RPS6KA2: variants seen among roughly 807,000 people sequenced by gnomAD.
RPS6KA2 encodes the protein ribosomal protein S6 kinase A2.
Under a neutral mutation model 91.8 loss-of-function variants are expected in RPS6KA2, and 42 were observed. That is an observed-to-expected ratio of 0.46 (90% CI 0.36 to 0.59). RPS6KA2 has a LOEUF of 0.59. Among genes scored for constraint, RPS6KA2 ranks in the 20% least tolerant of loss-of-function variants. The pLI is 0.00. For missense variants in RPS6KA2, 798 were observed against 978.5 expected (o/e 0.82, Z 2.46); for synonymous variants, 414 against 393.6 (o/e 1.05, Z -0.61).
intron 2 of RPS6KA2, among the ~76,000 whole-genome samples, chr6:166,779,054 ACT>A (rs762116849): frequency 6.6e-6 from 1 of 152,194 alleles, no homozygotes; most frequent in African/African-American, 2.4e-5. Flanking sequence ...AGGGAGTGTA[ACT>A]CTGGCGCACA....
At position 166,413,865 on chromosome 6, in the gene RPS6KA2, G is replaced by A; in HGVS notation, c.2005C>T (p.His669Tyr). The A allele has an allele frequency of 6.2e-7, 1 of 1,614,182 alleles. No homozygotes were observed. ...QRLTAMQVLK[H>Y]PWVVNREYLS... ...TACTCTCTGTTGACCACCCACGGGT[G>A]TTTGAGCACTTGCATCGCCGTCAGG... The change falls in exon 20 of 21, where the codon CAC (histidine) becomes TAC (tyrosine). Residue 669 changes from histidine to tyrosine, a missense_variant. Transcript: ENST00000265678.
intron 2 of RPS6KA2, among the ~76,000 whole-genome samples, chr6:166,766,376 C>T (rs115312588): frequency 0.02 from 3,092 of 151,816 alleles, 97 homozygotes; most frequent in African/African-American, 0.071. Context: ...ATTATTGTAC[C>T]AGTAATATAG....
At chr6:166,644,931 A>G (rs1787560524) in intron 2 of RPS6KA2, among the ~76,000 whole-genome samples, 1 of 152,228 alleles carries the variant, frequency 6.6e-6, no homozygotes, top group Non-Finnish European at 1.5e-5. Context: ...GGAGCGGGGC[A>G]TCTCCAAACT....
At chr6:166,748,477 C>A (rs1791096082) in intron 2 of RPS6KA2, among the ~76,000 whole-genome samples, 3 of 152,148 alleles carry the variant, frequency 2.0e-5, no homozygotes, top group African/African-American at 7.2e-5. Context: ...CGGTGCGGGG[C>A]TGGAGGATGC....
chr6:166,768,292 AT>A (rs1369867456), intron 2 of RPS6KA2, among the ~76,000 whole-genome samples: 3 of 152,174 alleles, frequency 2.0e-5, no homozygotes, highest in African/African-American at 7.2e-5. Flanking sequence ...TCTAAAAGTG[AT>A]TTTTTTATAA....
chr6:166,430,628 G>A lies in RPS6KA2; in HGVS notation c.1423-17C>T, dbSNP rs367645312. 5.0e-6 allele frequency: 8 copies of A among 1,601,842 alleles called. No individual in the cohort carries two copies. In the Admixed American group the frequency reaches 5.1e-5, roughly 10 times the overall value. On this transcript the variant is annotated splice_polypyrimidine_tract_variant and intron_variant, in intron 15 of 20. Coordinates refer to ENST00000265678, the MANE Select transcript of RPS6KA2 (RefSeq NM_021135.6). ...ATCATAGACCTGCGGAGTGGAGAAG[G>A]GGCGCACACGTCACCACGGCTGGTT...
At chr6:166,742,574 G>A (rs894674918) in intron 2 of RPS6KA2, among the ~76,000 whole-genome samples, 8 of 152,226 alleles carry the variant, frequency 5.3e-5, no homozygotes, top group African/African-American at 1.7e-4. Context: ...CGGTGGCCAC[G>A]GGAGGGGAGG....
intron 2 of RPS6KA2, among the ~76,000 whole-genome samples, chr6:166,676,317 C>CAA (rs34321063): frequency 8.6e-5 from 11 of 127,382 alleles, no homozygotes; most frequent in Non-Finnish European, 1.2e-4. Flanking sequence ...GACTCTGTCT[C>CAA]AAAAAAAAAA....
At chr6:166,848,904 T>A (rs1190282237) in intron 2 of RPS6KA2, among the ~76,000 whole-genome samples, 1 of 151,718 alleles carries the variant, frequency 6.6e-6, no homozygotes, top group African/African-American at 2.4e-5. Context: ...CCTATTGAAA[T>A]AAAAAATTAA....
rs1434462684 is a variant in RPS6KA2, at chr6:166,770,899, T to C, written c.123+87301A>G. On this transcript the variant is annotated intron_variant, in intron 2 of 21. Coordinates refer to the RPS6KA2 transcript ENST00000503859. This position sits in a 1 kb window ranked among gnomAD's most constrained non-coding sequence, Gnocchi z 5.1. ...CAGCTACCTTTGTCTTGCAGGCAGC[T>C]GAGTCACTTTTGCCCTGTGAAAATG... 30 of 1,597,280 alleles carry C rather than the reference T, an allele frequency of 1.9e-5. No individual in the cohort carries two copies. The highest frequency in any genetic ancestry group is 2.5e-5 in the Non-Finnish European group (30 of 1,179,616).
chr6:166,787,553 C>T (rs966840998), intron 2 of RPS6KA2, among the ~76,000 whole-genome samples: 1 of 151,998 alleles, frequency 6.6e-6, no homozygotes, highest in Admixed American at 6.6e-5. Flanking sequence ...AAGTTACTGT[C>T]TCTTCTTTAT....
rs1039227881 is a variant in RPS6KA2, at chr6:166,849,404, G to A, written c.123+8796C>T. Among the ~76,000 whole-genome samples the A allele has an allele frequency of 2.0e-5, 3 of 152,064 alleles. No homozygotes were observed. Among genetic ancestry groups the A allele is most frequent in the Non-Finnish European group, 4.4e-5 (3 of 68,014 alleles). On this transcript the variant is annotated intron_variant, in intron 2 of 21. Coordinates refer to the RPS6KA2 transcript ENST00000503859. This position sits in a 1 kb window ranked among gnomAD's most constrained non-coding sequence, Gnocchi z 4.9. The stretch of plus-strand genomic sequence containing the variant: ...GCGAGGATGCTAAAATATAAGATTC[G>A]TGCTGTCTTCTTTTTCATAGAATCC...
At chr6:166,532,933 C>T (rs1248070942) in intron 2 of RPS6KA2, among the ~76,000 whole-genome samples, 1 of 152,152 alleles carries the variant, frequency 6.6e-6, no homozygotes, top group Non-Finnish European at 1.5e-5. Flanking sequence ...CACCCTTACG[C>T]ACACTGTGGT....
At chr6:166,832,014 A>G (rs1214170617) in intron 2 of RPS6KA2, among the ~76,000 whole-genome samples, 1 of 151,380 alleles carries the variant, frequency 6.6e-6, no homozygotes, top group Non-Finnish European at 1.5e-5. Flanking sequence ...ATACATATAT[A>G]CATACATGTA....
intron 2 of RPS6KA2, among the ~76,000 whole-genome samples, chr6:166,762,886 G>A (rs377461623): frequency 2.6e-5 from 4 of 152,344 alleles, no homozygotes; most frequent in African/African-American, 4.8e-5. Flanking sequence ...GTGACTCTCC[G>A]TAGGTCAAAG....
chr6:166,638,651 C>A (rs1787324248), intron 2 of RPS6KA2, among the ~76,000 whole-genome samples: 1 of 152,178 alleles, frequency 6.6e-6, no homozygotes. Flanking sequence ...ATCCTATGAC[C>A]TGACTTTGGC....
chr6:166,606,177 C>T (rs1250686417), intron 1 of RPS6KA2, among the ~76,000 whole-genome samples: 3 of 152,204 alleles, frequency 2.0e-5, no homozygotes, highest in Non-Finnish European at 4.4e-5. Flanking sequence ...CCATACAAGA[C>T]TATTTAAATA....
At chr6:166,467,439 T>C (rs1227655767) in intron 11 of RPS6KA2, among the ~76,000 whole-genome samples, 1 of 152,000 alleles carries the variant, frequency 6.6e-6, no homozygotes, top group African/African-American at 2.4e-5. Flanking sequence ...TGATAAGGGA[T>C]ATGAAAACAG....
intron 2 of RPS6KA2, among the ~76,000 whole-genome samples, chr6:166,734,815 A>G (rs1043413298): frequency 6.6e-6 from 1 of 152,198 alleles, no homozygotes; most frequent in African/African-American, 2.4e-5. Flanking sequence ...GTACTTAAAT[A>G]TTTTATAAAT....
Sources: gnomAD v4.1 joint callset for allele counts (sites outside exome capture counted in the v4.1 genomes callset) on GRCh38, gnomAD v4.1.1 for gene constraint, Gnocchi (gnomAD v3.1) non-coding constraint, MANE v1.5 for transcripts, NCBI Gene and HGNC (gene_info 2026-07-23, HGNC 2026-07-21) for gene names.